The following PRELID2 variants were observed in gnomAD, a reference collection of about 807,000 sequenced individuals.
PRELID2 encodes PRELI domain-containing protein 2.
PRELID2 carries 25 observed loss-of-function variants against 28.4 expected under a neutral mutation model. The ratio of observed to expected loss-of-function variants is 0.88; its 90% CI spans 0.64 to 1.23. The LOEUF is 1.23. Ranked by LOEUF, PRELID2 falls within the 50% of genes most tolerant of loss-of-function variation. The pLI is 0.00. For missense variants in PRELID2, 201 were observed against 214.4 expected (o/e 0.94, Z 0.39); for synonymous variants, 76 against 71.6 (o/e 1.06, Z -0.31).
the PRELID2 span, among the ~76,000 whole-genome samples, chr5:145,275,240 A>T: frequency 5.4e-4 from 82 of 152,268 alleles, no homozygotes; most frequent in African/African-American, 1.9e-3. Context: ...GGCACTGCAG[A>T]TAAAGGAAGA....
chr5:145,277,933 C>T, the PRELID2 span, among the ~76,000 whole-genome samples: 9 of 152,276 alleles, frequency 5.9e-5, no homozygotes, highest in South Asian at 2.1e-4. Context: ...ATTTCTAATA[C>T]GCCTCCTGCA....
chr5:145,466,204 T>C, the PRELID2 span, among the ~76,000 whole-genome samples: 2 of 152,126 alleles, frequency 1.3e-5, no homozygotes, highest in East Asian at 3.8e-4. Flanking sequence ...TCTAAAAAGA[T>C]ACTCTCCATA....
chr5:145,263,865 A>AG, the PRELID2 span, among the ~76,000 whole-genome samples: 1 of 151,954 alleles, frequency 6.6e-6, no homozygotes, highest in African/African-American at 2.4e-5. Context: ...AAAAAAAAAA[A>AG]AAAAGTCCAG....
the PRELID2 span, among the ~76,000 whole-genome samples, chr5:145,376,730 A>G: frequency 2.0e-5 from 3 of 152,140 alleles, no homozygotes; most frequent in South Asian, 2.1e-4. Flanking sequence ...TGTAGGATCA[A>G]TGGTAATATC....
the PRELID2 span, among the ~76,000 whole-genome samples, chr5:145,448,190 T>A: frequency 2.6e-5 from 4 of 151,800 alleles, no homozygotes; most frequent in Non-Finnish European, 5.9e-5. Context: ...GGTATCTCAT[T>A]GTGGTTTTGA....
At chr5:145,379,989 G>A in the PRELID2 span, among the ~76,000 whole-genome samples, 2 of 152,262 alleles carry the variant, frequency 1.3e-5, no homozygotes, top group Admixed American at 1.3e-4. Flanking sequence ...TTCCTTTAGG[G>A]CTAAAGGCTA....
intron 1 of PRELID2, among the ~76,000 whole-genome samples, chr5:145,647,358 C>A (rs991605667): frequency 6.6e-6 from 1 of 152,124 alleles, no homozygotes; most frequent in Non-Finnish European, 1.5e-5. Context: ...CAATGGTCGA[C>A]GCACCTCCCC....
intron 5 of PRELID2, among the ~76,000 whole-genome samples, chr5:145,774,890 A>G (rs868790953): frequency 1.3e-5 from 2 of 152,186 alleles, no homozygotes; most frequent in Non-Finnish European, 1.5e-5. Flanking sequence ...CAATTACATA[A>G]GAAAAATGAA....
chr5:145,794,197 CAT>C lies in PRELID2; in HGVS notation c.474+2243_474+2244del, dbSNP rs545582542. 9.2e-5 allele frequency among the ~76,000 whole-genome samples: 14 copies of C among 152,216 alleles called. No individual in the cohort carries two copies. The South Asian group carries it at 1.5e-3, about 16-fold the overall frequency. ...CAGAAAGAGTGGAATAAAATAGACA[CAT>C]AGTCTTACAGACAAGAGCTGAAGAA... On this transcript the variant is annotated intron_variant, in intron 5 of 6. Coordinates refer to ENST00000683046, the MANE Select transcript of PRELID2 (RefSeq NM_205846.3).
intron 1 of PRELID2, among the ~76,000 whole-genome samples, chr5:145,584,288 T>C (rs932139828): frequency 4.0e-5 from 6 of 151,836 alleles, no homozygotes; most frequent in Non-Finnish European, 8.8e-5. Context: ...AAAAATTAAC[T>C]CAAGACAGAT....
chr5:145,644,406 CTTCTTT>C (rs1754161926), intron 1 of PRELID2, among the ~76,000 whole-genome samples: 1 of 151,260 alleles, frequency 6.6e-6, no homozygotes, highest in Non-Finnish European at 1.5e-5. Flanking sequence ...TCTCTCTTTT[CTTCTTT>C]ATTAGTCTGG....
At chr5:145,417,924 G>T in the PRELID2 span, among the ~76,000 whole-genome samples, 2 of 152,112 alleles carry the variant, frequency 1.3e-5, no homozygotes, top group Non-Finnish European at 2.9e-5. Flanking sequence ...AAGAAATAAA[G>T]GGTATTCAAA....
intron 1 of PRELID2, among the ~76,000 whole-genome samples, chr5:145,711,090 T>C (rs956271725): frequency 3.3e-5 from 5 of 152,212 alleles, no homozygotes; most frequent in African/African-American, 9.6e-5. Context: ...AACCCAAGCA[T>C]TCAAGAGGAT....
chr5:145,369,950 G>A, the PRELID2 span, among the ~76,000 whole-genome samples: 9 of 141,878 alleles, frequency 6.3e-5, no homozygotes, highest in East Asian at 8.0e-4. Context: ...CTTTGCCCAC[G>A]TTTTAATGGG....
At chr5:145,364,832 A>T in the PRELID2 span, among the ~76,000 whole-genome samples, 1 of 151,982 alleles carries the variant, frequency 6.6e-6, no homozygotes, top group East Asian at 1.9e-4. Flanking sequence ...ATATCCTGAC[A>T]ACTCGCTGCA....
chr5:145,531,910 T>C (rs1298503807), intron 1 of PRELID2, among the ~76,000 whole-genome samples: 1 of 152,188 alleles, frequency 6.6e-6, no homozygotes, highest in African/African-American at 2.4e-5. Context: ...GCTAGCCATG[T>C]AGACTTGAGA....
rs1280115175 is a variant in PRELID2 at position 145,706,914 on chromosome 5, C to A, written n.70+58017G>T. 6.6e-5 allele frequency among the ~76,000 whole-genome samples: 10 copies of A among 152,152 alleles called. No homozygotes were observed. The East Asian group carries it at 1.9e-3, about 29-fold the overall frequency. On this transcript the variant is annotated intron_variant and non_coding_transcript_variant, in intron 1 of 2. Coordinates refer to the PRELID2 transcript ENST00000510259. ...CTGGACTTCACAGTGACTAAACATCCTTTCCTAGGACCTTGCATGCAAGTT... is the reference window on the plus strand; with the variant it reads ...CTGGACTTCACAGTGACTAAACATCATTTCCTAGGACCTTGCATGCAAGTT...
the PRELID2 span, among the ~76,000 whole-genome samples, chr5:145,416,827 T>C: frequency 6.6e-6 from 1 of 151,392 alleles, no homozygotes; most frequent in African/African-American, 2.4e-5. Flanking sequence ...ATATGAAAAA[T>C]CCTTCAAGAA....
intron 1 of PRELID2, among the ~76,000 whole-genome samples, chr5:145,648,130 GAA>G: frequency 6.6e-6 from 1 of 152,180 alleles, no homozygotes; most frequent in African/African-American, 2.4e-5. Context: ...TTGTAGTAAA[GAA>G]GATGTGTATA....
Sources: gnomAD v4.1 joint callset for allele counts (sites outside exome capture counted in the v4.1 genomes callset) on GRCh38, gnomAD v4.1.1 for gene constraint, MANE v1.5 for transcripts, NCBI Gene and HGNC (gene_info 2026-07-23, HGNC 2026-07-21) for gene names.